LY6G5C: variants seen among roughly 807,000 people sequenced by gnomAD.
LY6G5C encodes lymphocyte antigen 6 complex locus protein G5c.
In LY6G5C, 6 loss-of-function variants were observed where a neutral mutation model predicts 10.5. That is an observed-to-expected ratio of 0.57 (90% CI 0.31 to 1.12). The LOEUF is 1.12. LY6G5C is among the 50% of genes most tolerant of loss of function. The pLI is 0.05. For missense variants in LY6G5C, 160 were observed against 185.5 expected (o/e 0.86, Z 0.80); for synonymous variants, 69 against 67.8 (o/e 1.02, Z -0.09).
At chr6:31,676,735 A>G (rs1015729601), downstream of LY6G5C, 1 of 521,692 alleles carries the variant, frequency 1.9e-6, no homozygotes, top group African/African-American at 1.9e-5. Flanking sequence ...ACTAGGGGAC[A>G]AGAGAGGAAA....
chr6:31,677,988 T>C (rs1802675939), intron 2 of LY6G5C, among the ~76,000 whole-genome samples: 1 of 152,152 alleles, frequency 6.6e-6, no homozygotes. Context: ...TAAGAGGACT[T>C]GAACACAGGC....
At chr6:31,676,845 G>A in exon 3 of LY6G5C, 1 of 1,024,568 alleles carries the variant, frequency 9.8e-7, no homozygotes, top group Non-Finnish European at 1.5e-6. Context: ...TGGCTGGAGG[G>A]AGGCAAGGAG....
At chr6:31,678,371 A>C (rs1376275158) in intron 2 of LY6G5C, among the ~76,000 whole-genome samples, 2 of 152,188 alleles carry the variant, frequency 1.3e-5, no homozygotes, top group African/African-American at 2.4e-5. Flanking sequence ...AAAGCAGATA[A>C]AATCCTCTGC....
chr6:31,679,163 A>G lies in LY6G5C; in HGVS notation c.227T>C (p.Leu76Pro). 6.2e-7 allele frequency: 1 copy of G among 1,613,056 alleles called. No homozygotes were observed. The highest frequency in any genetic ancestry group is 2.2e-5 in the East Asian group (1 of 44,882). ...TGGGGTGAGGCAGATGTCAGATCCC[A>G]GAAGGCACCCTAACTCCTTGGTCTC... The change falls in exon 2 of 3, where the codon CTG becomes CCG. Residue 76 changes from leucine to proline, a missense_variant. By Grantham distance (98) the Leu-to-Pro change is moderately conservative. Transcript: ENST00000383237. This position sits in a 1 kb window ranked among gnomAD's most constrained non-coding sequence, Gnocchi z 4.4.
rs1175762992 is a variant in LY6G5C, at chr6:31,678,997, T to C, written c.289+104A>G. On this transcript the variant is annotated intron_variant, in intron 2 of 2. Transcript: ENST00000383237. Reference sequence around the variant, plus strand: ...AAAAAAAAAGACAGGATTGGAGCAATGTCTTATGGGATTATGGGAACAAGA... The same window carrying C: ...AAAAAAAAAGACAGGATTGGAGCAACGTCTTATGGGATTATGGGAACAAGA... 8.2e-6 allele frequency: 10 copies of C among 1,220,836 alleles called. No homozygotes were observed. The African/African-American group carries it at 1.6e-4, about 19-fold the overall frequency. The allele number at this position is 1,220,836 out of a possible 1,614,324, so 75.6% of individuals were successfully genotyped here.
chr6:31,680,770 C>G (rs951063262), upstream of LY6G5C, among the ~76,000 whole-genome samples: 1 of 152,190 alleles, frequency 6.6e-6, no homozygotes, highest in African/African-American at 2.4e-5. The surrounding 1 kb of genome is among the most constrained non-coding windows in gnomAD (Gnocchi z 4.5). Flanking sequence ...GGGATTTCGG[C>G]AGAGGAGTAA....
chr6:31,678,278 G>C (rs1802689529), intron 2 of LY6G5C, among the ~76,000 whole-genome samples: 2 of 152,150 alleles, frequency 1.3e-5, no homozygotes, highest in Admixed American at 1.3e-4. Context: ...GATGTCCAGT[G>C]GTCAACGGGA....
At chr6:31,677,150 C>A in intron 2 of LY6G5C, 30 bp from the exon 3 acceptor site, 1 of 1,607,634 alleles carries the variant, frequency 6.2e-7, no homozygotes, top group Non-Finnish European at 8.5e-7. Flanking sequence ...ACCAGTGATA[C>A]GGAAGTCCCC....
chr6:31,678,990 G>T, intron 2 of LY6G5C, 111 bp downstream of exon 2: 2 of 1,178,166 alleles, frequency 1.7e-6, no homozygotes, highest in Non-Finnish European at 2.5e-6. Flanking sequence ...AGACAGGATT[G>T]GAGCAATGTC....
chr6:31,679,290 A>G lies in LY6G5C; in HGVS notation c.122-22T>C, dbSNP rs776732447. On this transcript the variant is annotated intron_variant, in intron 1 of 2. Transcript: ENST00000383237. The surrounding 1 kb of genome is among the most constrained non-coding windows in gnomAD (Gnocchi z 4.4). ...TTACCTAGAACACAGAGAAGTGCTG[A>G]CCCCACTCACACCCCATTCTACCTC... The G allele has an allele frequency of 6.2e-7, 1 of 1,612,394 alleles. No homozygotes were observed. The highest frequency in any genetic ancestry group is 8.5e-7 in the Non-Finnish European group (1 of 1,179,770).
chr6:31,680,167 C>T lies in LY6G5C; in HGVS notation c.121+86G>A. On this transcript the variant is annotated intron_variant, in intron 1 of 2. Coordinates refer to ENST00000383237, the Ensembl canonical transcript of LY6G5C. This position sits in a 1 kb window ranked among gnomAD's most constrained non-coding sequence, Gnocchi z 4.5. ...CTCCTGCATGGGTTTACCTGAGCATCCTGGACAGGTGTACCCAGACACTTG... is the reference window on the plus strand; with the variant it reads ...CTCCTGCATGGGTTTACCTGAGCATTCTGGACAGGTGTACCCAGACACTTG... 1 of 1,552,394 alleles carries T rather than the reference C, an allele frequency of 6.4e-7. No homozygotes were observed. The highest frequency in any genetic ancestry group is 1.1e-5 in the South Asian group (1 of 89,206).
In LY6G5C at chr6:31,679,510, C is replaced by T; in HGVS notation, c.122-242G>A. ...ACCCAGCAGAGCACTTGGTGTTAGG[C>T]AGAGGAAAGTGCTAAACCAACACTT... On this transcript the variant is annotated intron_variant, in intron 1 of 2. Transcript: ENST00000383237. The surrounding 1 kb of genome is among the most constrained non-coding windows in gnomAD (Gnocchi z 4.4). 2 of 573,006 alleles carry T rather than the reference C, an allele frequency of 3.5e-6. No individual in the cohort carries two copies. The highest frequency in any genetic ancestry group is 3.1e-6 in the Non-Finnish European group (1 of 320,424). 35.5% of individuals were successfully genotyped at this position (573,006 alleles called of 1,614,324 possible). A position where few individuals can be genotyped will look rare whatever the true frequency, so the allele number is the denominator to read the frequency against.
chr6:31,676,752 G>A, exon 3 of LY6G5C: 1 of 532,576 alleles, frequency 1.9e-6, no homozygotes. Flanking sequence ...GAAACCTGGT[G>A]GGCAGTAGGG....
At chr6:31,676,701 T>C (rs191375710), downstream of LY6G5C, 1 of 477,506 alleles carries the variant, frequency 2.1e-6, no homozygotes, top group African/African-American at 1.9e-5. Flanking sequence ...TACACACAAA[T>C]TTATTTGGGA....
chr6:31,677,900 C>T (rs577331941), intron 2 of LY6G5C, among the ~76,000 whole-genome samples: 1 of 152,172 alleles, frequency 6.6e-6, no homozygotes, highest in South Asian at 2.1e-4. Context: ...AGGGTAGTAG[C>T]GGGAGACTTT....
At chr6:31,680,995 G>T (rs1460266182), upstream of LY6G5C, among the ~76,000 whole-genome samples, 3 of 151,772 alleles carry the variant, frequency 2.0e-5, no homozygotes, top group African/African-American at 7.3e-5. The surrounding 1 kb of genome is among the most constrained non-coding windows in gnomAD (Gnocchi z 4.5). Context: ...CTGAACGAGG[G>T]GTGAGGGAAC....
In LY6G5C at chr6:31,679,569, GC is replaced by G; in HGVS notation, c.122-302del. 2.1e-6 allele frequency: 1 copy of G among 478,430 alleles called. No homozygotes were observed. The highest frequency in any genetic ancestry group is 3.8e-6 in the Non-Finnish European group (1 of 262,346). The allele number at this position is 478,430 out of a possible 1,614,324, so 29.6% of individuals were successfully genotyped here. On this transcript the variant is annotated intron_variant, in intron 1 of 2. Coordinates refer to ENST00000383237, the Ensembl canonical transcript of LY6G5C. The surrounding 1 kb of genome is among the most constrained non-coding windows in gnomAD (Gnocchi z 4.4). The stretch of plus-strand genomic sequence containing the variant: ...GTGTCTCTGTGGCTGGTGCTTTGCA[GC>G]CAAGTGGGGAGCCCAGCAGGCTGGA...
rs1000637702 is a variant in LY6G5C at position 31,679,211 on chromosome 6, A to G, written c.179T>C (p.Leu60Pro). ...CTCCAAGAGGCATCGGTAGCAGCGCAGGTATTTGGGGAATGGAAGTGGTTG... is the reference window on the plus strand; with the variant it reads ...CTCCAAGAGGCATCGGTAGCAGCGCGGGTATTTGGGGAATGGAAGTGGTTG... Residue 60 changes from leucine to proline, a missense_variant, in exon 2 of 3, where the codon CTG becomes CCG. Physicochemically the swap from Leu to Pro is moderately conservative, Grantham distance 98. Transcript: ENST00000383237. The surrounding 1 kb of genome is among the most constrained non-coding windows in gnomAD (Gnocchi z 4.4). 1 of 1,613,016 alleles carries G rather than the reference A, an allele frequency of 6.2e-7. No individual in the cohort carries two copies. The highest frequency in any genetic ancestry group is 1.3e-5 in the African/African-American group (1 of 75,020).
rs751862518 is a variant in LY6G5C, at chr6:31,680,313, T to A, written c.61A>T (p.Ser21Cys). 5 of 1,611,142 alleles carry A rather than the reference T, an allele frequency of 3.1e-6. No homozygotes were observed. Among genetic ancestry groups the A allele is most frequent in the Non-Finnish European group, 4.2e-6 (5 of 1,179,850 alleles). The stretch of plus-strand genomic sequence containing the variant: ...AGGACCGTGTAGAGGGCTTGGGGGC[T>A]GCTGTGGAAGCACAGGGGACCCAGA... The change falls in exon 1 of 3, where the codon AGC becomes TGC. Residue 21 changes from serine (S) to cysteine (C), a missense_variant. Physicochemically the swap from Ser to Cys is moderately radical, Grantham distance 112. Coordinates refer to ENST00000383237, the Ensembl canonical transcript of LY6G5C. This position sits in a 1 kb window ranked among gnomAD's most constrained non-coding sequence, Gnocchi z 4.5.
Sources: gnomAD v4.1 joint callset for allele counts (sites outside exome capture counted in the v4.1 genomes callset) on GRCh38, gnomAD v4.1.1 for gene constraint, Gnocchi (gnomAD v3.1) non-coding constraint, MANE v1.5 for transcripts, NCBI Gene and HGNC (gene_info 2026-07-23, HGNC 2026-07-21) for gene names.